PTPRD: variants seen among roughly 807,000 people sequenced by gnomAD.
PTPRD encodes protein tyrosine phosphatase receptor type D, also known as receptor-type tyrosine-protein phosphatase delta.
PTPRD carries 34 observed loss-of-function variants against 214.5 expected under a neutral mutation model. The observed-to-expected ratio is 0.16, with a 90% CI of 0.12 to 0.21. The LOEUF (loss-of-function observed/expected upper bound fraction) is 0.21. Ranked by LOEUF, PTPRD falls within the 10% of genes least tolerant of loss-of-function variation. PTPRD has a pLI of 1.00. For synonymous variants in PTPRD, 1,128 were observed against 845.7 expected (o/e 1.33, Z -5.79); for missense variants, 2,545 against 2,398.7 (o/e 1.06, Z -1.27).
chr9:9,561,677 A>G (rs964457615), intron 8 of PTPRD, among the ~76,000 whole-genome samples: 4 of 152,208 alleles, frequency 2.6e-5, no homozygotes, highest in South Asian at 2.1e-4. Context: ...TTACTTTCCA[A>G]ACAAAAGAAG....
chr9:9,814,634 A>G (rs1185064232), intron 5 of PTPRD, among the ~76,000 whole-genome samples: 1 of 152,152 alleles, frequency 6.6e-6, no homozygotes, highest in African/African-American at 2.4e-5. Flanking sequence ...AATAAATTGA[A>G]GAAGACACAA....
At chr9:9,196,969 T>C (rs1191304038) in intron 9 of PTPRD, among the ~76,000 whole-genome samples, 1 of 152,148 alleles carries the variant, frequency 6.6e-6, no homozygotes, top group Non-Finnish European at 1.5e-5. Context: ...TAGATCTAGA[T>C]ACAAACAAGA....
At chr9:8,901,503 C>A (rs764764175) in intron 11 of PTPRD, among the ~76,000 whole-genome samples, 1 of 152,222 alleles carries the variant, frequency 6.6e-6, no homozygotes, top group African/African-American at 2.4e-5. Flanking sequence ...TAGGGCAACA[C>A]TTCTTATCTC....
At chr9:8,353,960 A>T (rs34517230) in intron 39 of PTPRD, among the ~76,000 whole-genome samples, 2 of 102,162 alleles carry the variant, frequency 2.0e-5, no homozygotes, top group Non-Finnish European at 1.9e-5. Context: ...ATATATATAT[A>T]TATGTTTTTT....
chr9:8,461,059 T>C (rs1359489150), intron 32 of PTPRD, among the ~76,000 whole-genome samples: 1 of 152,086 alleles, frequency 6.6e-6, no homozygotes, highest in East Asian at 1.9e-4. Context: ...TTTAATTAAA[T>C]GTGAATATCG....
chr9:9,053,057 C>T (rs1304800873), intron 10 of PTPRD, among the ~76,000 whole-genome samples: 2 of 151,984 alleles, frequency 1.3e-5, no homozygotes, highest in Non-Finnish European at 2.9e-5. Flanking sequence ...AGAATTTTTT[C>T]CTATAGAACA....
intron 2 of PTPRD, among the ~76,000 whole-genome samples, chr9:10,356,133 TG>T (rs1263399086): frequency 4.6e-5 from 7 of 152,032 alleles, no homozygotes; most frequent in Non-Finnish European, 8.8e-5. Context: ...TTCAGGTATT[TG>T]TTTTGTTTGT....
At chr9:9,777,389 T>C (rs2098806960) in intron 5 of PTPRD, among the ~76,000 whole-genome samples, 1 of 151,928 alleles carries the variant, frequency 6.6e-6, no homozygotes, top group Non-Finnish European at 1.5e-5. Context: ...TAAATTCAAC[T>C]ATTTAAGATA....
intron 11 of PTPRD, among the ~76,000 whole-genome samples, chr9:8,990,728 A>G (rs1034765374): frequency 2.0e-5 from 3 of 152,136 alleles, no homozygotes; most frequent in African/African-American, 7.2e-5. Context: ...GATAGTAGTC[A>G]TAAGACCCCC....
chr9:9,679,090 A>G (rs1236846872), intron 7 of PTPRD, among the ~76,000 whole-genome samples: 3 of 149,848 alleles, frequency 2.0e-5, no homozygotes, highest in African/African-American at 7.3e-5. Context: ...GAGGAGAGAG[A>G]TACCCTTTGG....
chr9:10,085,905 T>G (rs758075112), intron 3 of PTPRD, among the ~76,000 whole-genome samples: 1 of 151,804 alleles, frequency 6.6e-6, no homozygotes, highest in Admixed American at 6.6e-5. Flanking sequence ...CCCTACTCTA[T>G]GAAAGTCTCT....
chr9:10,177,858 G>A (rs1211187636), intron 3 of PTPRD, among the ~76,000 whole-genome samples: 1 of 151,830 alleles, frequency 6.6e-6, no homozygotes, highest in Non-Finnish European at 1.5e-5. Context: ...CAAAGTGGTT[G>A]TTATCTACTA....
intron 11 of PTPRD, among the ~76,000 whole-genome samples, chr9:8,806,964 C>T (rs1173299338): frequency 3.9e-5 from 6 of 152,088 alleles, no homozygotes; most frequent in Admixed American, 3.9e-4. Context: ...TGTAGGAAGA[C>T]CCATGAATTG....
intron 8 of PTPRD, among the ~76,000 whole-genome samples, chr9:9,471,796 C>G (rs1393489808): frequency 1.3e-5 from 2 of 152,038 alleles, no homozygotes; most frequent in East Asian, 1.9e-4. Flanking sequence ...ATATTTCATG[C>G]AAAAATGCAA....
chr9:9,994,230 C>G (rs931577515), intron 4 of PTPRD, among the ~76,000 whole-genome samples: 2 of 152,148 alleles, frequency 1.3e-5, no homozygotes, highest in Non-Finnish European at 2.9e-5. Flanking sequence ...TGAGAGCTCA[C>G]CCTCTTGGAT....
At chr9:8,886,842 C>T (rs12339605) in intron 11 of PTPRD, among the ~76,000 whole-genome samples, 11 of 152,150 alleles carry the variant, frequency 7.2e-5, no homozygotes, top group African/African-American at 9.7e-5. Flanking sequence ...AATACAGAGG[C>T]GTTGTCAGGC....
intron 9 of PTPRD, among the ~76,000 whole-genome samples, chr9:9,297,615 TAGTTA>T (rs1569567165): frequency 6.6e-6 from 1 of 151,712 alleles, no homozygotes; most frequent in Non-Finnish European, 1.5e-5. Flanking sequence ...ATATAATTTT[TAGTTA>T]AGAGTTACAC....
At chr9:8,787,768 G>A (rs1365300323) in intron 11 of PTPRD, among the ~76,000 whole-genome samples, 1 of 152,086 alleles carries the variant, frequency 6.6e-6, no homozygotes, top group African/African-American at 2.4e-5. Flanking sequence ...GCAAGTATGT[G>A]TACTGACTCT....
At chr9:10,134,855 A>G (rs2098930587) in intron 3 of PTPRD, among the ~76,000 whole-genome samples, 1 of 152,136 alleles carries the variant, frequency 6.6e-6, no homozygotes, top group African/African-American at 2.4e-5. Context: ...GCTCCCTATT[A>G]TATTAGATCC....
Sources: allele counts gnomAD v4.1 joint callset (sites outside exome capture counted in the v4.1 genomes callset), GRCh38; gene constraint gnomAD v4.1.1; transcripts MANE v1.5; gene names NCBI Gene and HGNC (gene_info 2026-07-23, HGNC 2026-07-21).